Variants in ALDH2 observed in about 807,000 individuals in gnomAD.
ALDH2 encodes the protein aldehyde dehydrogenase, mitochondrial.
A neutral mutation model predicts 59.6 loss-of-function variants in ALDH2; 44 were observed. The ratio of observed to expected loss-of-function variants is 0.74; its 90% CI spans 0.58 to 0.95. The LOEUF (loss-of-function observed/expected upper bound fraction) is 0.95. ALDH2 is among the 40% of genes least tolerant of loss of function. The pLI is 0.00. For synonymous variants in ALDH2, 291 were observed against 284.0 expected (o/e 1.02, Z -0.25); for missense variants, 570 against 696.3 (o/e 0.82, Z 2.04).
chr12:111,809,283 A>G (rs938495491), intron 12 of ALDH2, among the ~76,000 whole-genome samples: 1 of 151,978 alleles, frequency 6.6e-6, no homozygotes, highest in African/African-American at 2.4e-5. Context: ...GTGACACCCC[A>G]TCTCTAATAA....
chr12:111,805,416 C>G (rs2068486338), intron 12 of ALDH2, among the ~76,000 whole-genome samples: 1 of 151,398 alleles, frequency 6.6e-6, no homozygotes, highest in South Asian at 2.1e-4. Flanking sequence ...CCTCCACCTC[C>G]TGGGCTGAAG....
At position 111,790,478 on chromosome 12, in the gene ALDH2, C is replaced by G. The variant is rs1246546930; in HGVS notation, c.597C>G (p.Ala199=). The G allele has an allele frequency of 1.9e-6, 3 of 1,614,028 alleles. No homozygotes were observed. The Admixed American group carries it at 5.0e-5, about 27-fold the overall frequency. The change falls in exon 6 of 13, where the codon GCC becomes GCG. Residue 199 remains alanine (A), a synonymous_variant. Transcript: ENST00000261733. ...TGCAAGCATGGAAGCTGGGCCCAGCCTTGGCAACTGGAAACGTGGTTGTGA... is the reference window on the plus strand; with the variant it reads ...TGCAAGCATGGAAGCTGGGCCCAGCGTTGGCAACTGGAAACGTGGTTGTGA... ...LLMQAWKLGP[A]LATGNVVVMK...
chr12:111,775,916 A>G (rs2068231546), intron 1 of ALDH2, among the ~76,000 whole-genome samples: 1 of 152,260 alleles, frequency 6.6e-6, no homozygotes, highest in African/African-American at 2.4e-5. Flanking sequence ...GGGAAATGGG[A>G]AATGTAAACC....
intron 12 of ALDH2, among the ~76,000 whole-genome samples, chr12:111,804,702 G>A (rs2068480345): frequency 6.7e-6 from 1 of 149,886 alleles, no homozygotes; most frequent in Admixed American, 6.7e-5. Flanking sequence ...AGTCGAGATT[G>A]TGCCATTGCA....
At position 111,816,698 on chromosome 12, in the gene ALDH2, C is replaced by G. The variant is rs1401080332; in HGVS notation, c.*7123C>G. ...TCCATCCAATTTTACAGACTATGAA[C>G]AGAAGACAGAGACAAAACAACATTA... On this transcript the variant is annotated 3_prime_UTR_variant, in exon 13 of 13. Coordinates refer to ENST00000261733, the MANE Select transcript of ALDH2 (RefSeq NM_000690.4). 1.3e-5 allele frequency: 2 copies of G among 152,174 alleles called. No individual in the cohort carries two copies. Among genetic ancestry groups the G allele is most frequent in the Non-Finnish European group, 2.9e-5 (2 of 68,038 alleles). The allele number at this position is 152,174 out of a possible 1,614,324, so 9.4% of individuals were successfully genotyped here. A position where few individuals can be genotyped will look rare whatever the true frequency, so the allele number is the denominator to read the frequency against.
intron 9 of ALDH2, among the ~76,000 whole-genome samples, chr12:111,795,791 C>A (rs2068398454): frequency 1.3e-5 from 2 of 151,644 alleles, no homozygotes; most frequent in Non-Finnish European, 2.9e-5. Flanking sequence ...CAGGGTTTCA[C>A]CATGTTGGCC....
At chr12:111,795,742 C>T (rs2068398093) in intron 9 of ALDH2, among the ~76,000 whole-genome samples, 1 of 151,212 alleles carries the variant, frequency 6.6e-6, no homozygotes, top group African/African-American at 2.4e-5. Context: ...CAGGCGCCCA[C>T]CACCATGCCC....
intron 1 of ALDH2, among the ~76,000 whole-genome samples, chr12:111,781,058 A>T (rs1276529245): frequency 1.3e-5 from 2 of 152,132 alleles, no homozygotes; most frequent in Non-Finnish European, 2.9e-5. Context: ...ACAGGGAGCC[A>T]TGATCACGCC....
At chr12:111,777,985 C>G (rs1245579096) in intron 1 of ALDH2, among the ~76,000 whole-genome samples, 1 of 152,184 alleles carries the variant, frequency 6.6e-6, no homozygotes, top group Non-Finnish European at 1.5e-5. Flanking sequence ...CTGCGGGTTC[C>G]ACCATAGAGA....
rs377514734 is a variant in ALDH2 at position 111,774,070 on chromosome 12, G to A, written c.114+6974G>A. Among the ~76,000 whole-genome samples the A allele has an allele frequency of 2.3e-4, 35 of 152,320 alleles. 1 individual carries two copies. In the East Asian group the frequency reaches 3.9e-3, roughly 17 times the overall value. On this transcript the variant is annotated intron_variant, in intron 1 of 12. Transcript: ENST00000261733. ...GCAGCAAGATAGAGGTTGCCAAACC[G>A]TAAGCAGAACAAGTTGAAACCGCGC...
Position 111,790,038 on chromosome 12 carries a change from G to A in ALDH2, c.552+104G>A. ...GGTGGTGTCGGAAGGCAGCCTGGGT[G>A]GCAGGTAAGAAGATGGGCTCTGACA... On this transcript the variant is annotated intron_variant, in intron 5 of 12. Transcript: ENST00000261733. 3.7e-6 allele frequency: 4 copies of A among 1,074,326 alleles called. No individual in the cohort carries two copies. In the Admixed American group the frequency reaches 6.7e-5, roughly 18 times the overall value. The allele number at this position is 1,074,326 out of a possible 1,614,324, so 66.5% of individuals were successfully genotyped here.
chr12:111,803,814 C>T (rs904050355), intron 11 of ALDH2, 45 bp from the exon 12 acceptor site: 6 of 1,428,256 alleles, frequency 4.2e-6, no homozygotes, highest in Non-Finnish European at 4.8e-6. Context: ...GAGTGTAACC[C>T]ATAACCCCCA....
intron 1 of ALDH2, among the ~76,000 whole-genome samples, chr12:111,780,067 A>G (rs2068261056): frequency 6.6e-6 from 1 of 151,772 alleles, no homozygotes; most frequent in Non-Finnish European, 1.5e-5. Context: ...AATTTTTTGT[A>G]TTTTTAGTAG....
chr12:111,768,619 C>T (rs560695839), intron 1 of ALDH2, among the ~76,000 whole-genome samples: 3 of 151,506 alleles, frequency 2.0e-5, no homozygotes, highest in South Asian at 2.1e-4. Context: ...TGGGATGATC[C>T]GTTGAGCCTA....
At chr12:111,772,456 C>T (rs2136007121) in intron 1 of ALDH2, among the ~76,000 whole-genome samples, 1 of 150,488 alleles carries the variant, frequency 6.6e-6, no homozygotes, top group South Asian at 2.1e-4. Flanking sequence ...CCTCTGCCTC[C>T]CGGGTTCAAG....
At chr12:111,783,342 T>C (rs373094911) in intron 3 of ALDH2, 44 bp downstream of exon 3, 36 of 1,566,348 alleles carry the variant, frequency 2.3e-5, no homozygotes, top group African/African-American at 1.9e-4. Flanking sequence ...ATGTGGTGAA[T>C]AGGCTCGCAG....
chr12:111,804,523 A>G (rs569393965), intron 12 of ALDH2, among the ~76,000 whole-genome samples: 2 of 152,284 alleles, frequency 1.3e-5, no homozygotes, highest in South Asian at 4.1e-4. Context: ...AGGTGGGTGG[A>G]TCACGAATGA....
At chr12:111,785,436 A>T in intron 4 of ALDH2, 90 bp downstream of exon 4, 1 of 1,203,430 alleles carries the variant, frequency 8.3e-7, no homozygotes, top group Non-Finnish European at 1.2e-6. Flanking sequence ...ACAAAAATTC[A>T]AAAGGGGCAG....
At chr12:111,782,046 G>T (rs752989672) in intron 2 of ALDH2, 24 bp downstream of exon 2, 3 of 1,546,638 alleles carry the variant, frequency 1.9e-6, no homozygotes, top group Middle Eastern at 1.7e-4. Context: ...ACTTACCTTG[G>T]GGGAGGGATG....
Sources: allele counts gnomAD v4.1 joint callset (sites outside exome capture counted in the v4.1 genomes callset), GRCh38; gene constraint gnomAD v4.1.1; transcripts MANE v1.5; gene names NCBI Gene and HGNC (gene_info 2026-07-23, HGNC 2026-07-21).